Variants in ATXN1 observed in about 807,000 individuals in gnomAD.
ATXN1 encodes ataxin-1.
A neutral mutation model predicts 56.4 loss-of-function variants in ATXN1; 8 were observed. The ratio of observed to expected loss-of-function variants is 0.14; its 90% confidence interval spans 0.08 to 0.26. ATXN1 has a LOEUF of 0.26. Ranked by LOEUF, ATXN1 falls within the 10% of genes least tolerant of loss-of-function variation. The pLI, the probability that ATXN1 is intolerant of heterozygous loss-of-function variation, is 1.00. For missense variants in ATXN1, 987 were observed against 1,106.5 expected (o/e 0.89, Z 1.53); for synonymous variants, 514 against 494.6 (o/e 1.04, Z -0.52).
At chr6:16,719,903 G>A (rs1051811108) in intron 2 of ATXN1, among the ~76,000 whole-genome samples, 4 of 152,114 alleles carry the variant, frequency 2.6e-5, no homozygotes, top group South Asian at 2.1e-4. Flanking sequence ...AGTGTGGCCC[G>A]GCTGACACCT....
intron 6 of ATXN1, among the ~76,000 whole-genome samples, chr6:16,434,573 TAACA>T (rs1347654372): frequency 6.6e-6 from 1 of 152,266 alleles, no homozygotes; most frequent in Admixed American, 6.5e-5. Flanking sequence ...GTATTATCGG[TAACA>T]GTCCATTCAT....
At chr6:16,714,132 G>A (rs1310056783) in intron 2 of ATXN1, among the ~76,000 whole-genome samples, 3 of 150,062 alleles carry the variant, frequency 2.0e-5, no homozygotes, top group African/African-American at 7.4e-5. Context: ...GCCAGCCTGG[G>A]CGACAGAGTA....
chr6:16,566,755 C>T (rs193295998), intron 4 of ATXN1, among the ~76,000 whole-genome samples: 21 of 152,162 alleles, frequency 1.4e-4, no homozygotes, highest in African/African-American at 5.1e-4. Context: ...ACTCGGGAGG[C>T]TGAGGCAGGA....
chr6:16,394,069 T>G (rs1758408025), intron 6 of ATXN1, among the ~76,000 whole-genome samples: 1 of 152,166 alleles, frequency 6.6e-6, no homozygotes, highest in Non-Finnish European at 1.5e-5. Flanking sequence ...AATACTGGTT[T>G]CTTTGGCTTT....
chr6:16,489,112 T>C (rs1474495397), intron 5 of ATXN1, among the ~76,000 whole-genome samples: 3 of 152,214 alleles, frequency 2.0e-5, no homozygotes, highest in Non-Finnish European at 2.9e-5. Flanking sequence ...ACTGTCTTTT[T>C]ATACTCCACT....
intron 5 of ATXN1, among the ~76,000 whole-genome samples, chr6:16,514,553 A>G (rs1434748592): frequency 6.6e-6 from 1 of 152,082 alleles, no homozygotes; most frequent in Non-Finnish European, 1.5e-5. Flanking sequence ...TCAGCCTGGC[A>G]GTTTTGCTGC....
rs1178663293 is a variant in ATXN1, at chr6:16,460,333, G to A, written c.-161+25639C>T. 2.6e-5 allele frequency among the ~76,000 whole-genome samples: 4 copies of A among 152,146 alleles called. No individual in the cohort carries two copies. The South Asian group carries it at 6.2e-4, about 24-fold the overall frequency. On this transcript the variant is annotated intron_variant, in intron 6 of 7. Transcript: ENST00000436367. ...GTAGGACAACCCCACAACCAGTAAG[G>A]AAGGAACCCCACAACCTAAGTAAGG...
chr6:16,327,185 A>T lies in ATXN1; in HGVS notation c.1126T>A (p.Ser376Thr), dbSNP rs757741618. 1.9e-6 allele frequency: 3 copies of T among 1,613,914 alleles called. No homozygotes were observed. The highest frequency in any genetic ancestry group is 2.5e-6 in the Non-Finnish European group (3 of 1,179,996). The change falls in exon 7 of 8, where the codon TCG (serine) becomes ACG (threonine). Residue 376 changes from serine to threonine, a missense_variant. By Grantham distance (58) the Ser-to-Thr change is moderately conservative. This residue lies in a region of ATXN1 where 723 missense variants were observed against 791.7 expected (regional missense o/e 0.91). Coordinates refer to ENST00000436367, the MANE Select transcript of ATXN1 (RefSeq NM_001128164.2). ...SPSDYSSRDP[S>T]GVRASVMVLP... ...ACCATCACAGAGGCCCGGACCCCCGAAGGATCACGACTGCTGTAGTCTGAG... is the reference window on the plus strand; with the variant it reads ...ACCATCACAGAGGCCCGGACCCCCGTAGGATCACGACTGCTGTAGTCTGAG...
intron 5 of ATXN1, among the ~76,000 whole-genome samples, chr6:16,492,212 G>A (rs949129451): frequency 6.6e-6 from 1 of 151,670 alleles, no homozygotes; most frequent in African/African-American, 2.4e-5. Flanking sequence ...GTTATAGGTG[G>A]GAATTGAACA....
At chr6:16,515,748 C>G (rs1490575467) in intron 5 of ATXN1, among the ~76,000 whole-genome samples, 7 of 152,114 alleles carry the variant, frequency 4.6e-5, no homozygotes, top group Non-Finnish European at 4.4e-5. Flanking sequence ...CTTCGTTGAT[C>G]TGGAGCTGAA....
At chr6:16,414,763 C>G (rs532814979) in intron 6 of ATXN1, among the ~76,000 whole-genome samples, 1 of 152,200 alleles carries the variant, frequency 6.6e-6, no homozygotes, top group Non-Finnish European at 1.5e-5. Context: ...AAAATATACA[C>G]AATTTGTAGC....
chr6:16,650,799 C>T (rs968335271), intron 3 of ATXN1, among the ~76,000 whole-genome samples: 1 of 152,190 alleles, frequency 6.6e-6, no homozygotes, highest in African/African-American at 2.4e-5. Context: ...GTTTCTGTAC[C>T]TCACTTCTGT....
intron 5 of ATXN1, among the ~76,000 whole-genome samples, chr6:16,501,904 T>G (rs1181206637): frequency 6.6e-6 from 1 of 152,172 alleles, no homozygotes; most frequent in Non-Finnish European, 1.5e-5. Context: ...CCACACTGTC[T>G]TCCACAATGG....
At chr6:16,315,197 C>A (rs1224563189) in intron 7 of ATXN1, among the ~76,000 whole-genome samples, 1 of 152,146 alleles carries the variant, frequency 6.6e-6, no homozygotes, top group East Asian at 1.9e-4. Context: ...TGTGCCCCTG[C>A]CCGGTGGCCA....
intron 2 of ATXN1, among the ~76,000 whole-genome samples, chr6:16,723,628 T>C (rs567653530): frequency 6.6e-6 from 1 of 152,272 alleles, no homozygotes; most frequent in South Asian, 2.1e-4. Context: ...TAAGTTCCAA[T>C]GTTTAGTCAG....
At chr6:16,748,958 C>A (rs1466939039) in intron 2 of ATXN1, among the ~76,000 whole-genome samples, 1 of 152,198 alleles carries the variant, frequency 6.6e-6, no homozygotes, top group Non-Finnish European at 1.5e-5. Context: ...CACTTTACAT[C>A]AGGAAGTCTT....
At chr6:16,444,363 T>C (rs552170063) in intron 6 of ATXN1, among the ~76,000 whole-genome samples, 1 of 152,292 alleles carries the variant, frequency 6.6e-6, no homozygotes, top group South Asian at 2.1e-4. Context: ...AACATAGTGT[T>C]ATACTAGAAA....
chr6:16,609,576 T>A (rs1486933851), intron 3 of ATXN1, among the ~76,000 whole-genome samples: 2 of 152,182 alleles, frequency 1.3e-5, no homozygotes, highest in Admixed American at 1.3e-4. Flanking sequence ...TCTAGTACAT[T>A]TTTAAGAACA....
At chr6:16,463,371 G>A (rs1193030803) in intron 6 of ATXN1, among the ~76,000 whole-genome samples, 1 of 152,132 alleles carries the variant, frequency 6.6e-6, no homozygotes, top group Non-Finnish European at 1.5e-5. Flanking sequence ...TCAAAGCTCA[G>A]GTCCGTCAGT....
Sources: allele counts gnomAD v4.1 joint callset (sites outside exome capture counted in the v4.1 genomes callset), GRCh38; gene constraint gnomAD v4.1.1; regional missense constraint gnomAD v4.1.1; transcripts MANE v1.5; gene names NCBI Gene and HGNC (gene_info 2026-07-23, HGNC 2026-07-21).